MSI2: variants seen among roughly 807,000 people sequenced by gnomAD.
The protein encoded by MSI2 is RNA-binding protein Musashi homolog 2.
A neutral mutation model predicts 45.6 loss-of-function variants in MSI2; 17 were observed. The ratio of observed to expected loss-of-function variants is 0.37; its 90% confidence interval spans 0.26 to 0.56. The LOEUF (loss-of-function observed/expected upper bound fraction) is 0.56. MSI2 is among the 20% of genes least tolerant of loss of function. The pLI, the probability that MSI2 is intolerant of heterozygous loss-of-function variation, is 0.77. For synonymous variants in MSI2, 156 were observed against 158.2 expected (o/e 0.99, Z 0.11); for missense variants, 293 against 444.2 (o/e 0.66, Z 3.06).
Position 57,287,099 on chromosome 17 carries a change from A to G in MSI2, c.312+24907A>G, listed in dbSNP as rs372473806. ...TTTGCTCCATATTTATCATCTCTAT[A>G]GTACCCTACAAATAAGTGGTCTCAA... On this transcript the variant is annotated intron_variant, in intron 5 of 13. Transcript: ENST00000284073. 1.1e-4 allele frequency among the ~76,000 whole-genome samples: 17 copies of G among 151,176 alleles called. No homozygotes were observed. The East Asian group carries it at 2.5e-3, about 23-fold the overall frequency.
chr17:57,376,044 C>T (rs1040329745), intron 5 of MSI2, among the ~76,000 whole-genome samples: 2 of 152,254 alleles, frequency 1.3e-5, no homozygotes, highest in East Asian at 1.9e-4. Flanking sequence ...TTTAGGTGAT[C>T]GGCTATTGAC....
chr17:57,655,649 G>T (rs760734868), intron 11 of MSI2, among the ~76,000 whole-genome samples: 1 of 152,064 alleles, frequency 6.6e-6, no homozygotes, highest in East Asian at 1.9e-4. Flanking sequence ...TTGGGGCTGC[G>T]GTGAGAGTGT....
At chr17:57,639,255 A>G (rs1158944737) in intron 10 of MSI2, among the ~76,000 whole-genome samples, 1 of 152,234 alleles carries the variant, frequency 6.6e-6, no homozygotes, top group Non-Finnish European at 1.5e-5. Flanking sequence ...GAGCACGCAC[A>G]GAAGTTCGCC....
At chr17:57,417,065 AC>A (rs1205067163) in intron 6 of MSI2, among the ~76,000 whole-genome samples, 3 of 152,024 alleles carry the variant, frequency 2.0e-5, no homozygotes, top group Admixed American at 6.6e-5. Context: ...CGAGGTGGGG[AC>A]GGTGGTTGCT....
rs374684092 is a variant in MSI2 at position 57,438,800 on chromosome 17, A to AT, written c.405+37343dup. Among the ~76,000 whole-genome samples, 766 of 145,028 alleles carry AT rather than the reference A, an allele frequency of 5.3e-3. 18 individuals are homozygous for AT. In the East Asian group the frequency reaches 0.086, roughly 16 times the overall value. ...TGAGGGTTGCAGGTCTCCCATAGGAATTTTTTTTTTTTTTGAGACTGCGTT... is the reference window on the plus strand; with the variant it reads ...TGAGGGTTGCAGGTCTCCCATAGGAATTTTTTTTTTTTTTTGAGACTGCGTT... On this transcript the variant is annotated intron_variant, in intron 6 of 13. Coordinates refer to ENST00000284073, the MANE Select transcript of MSI2 (RefSeq NM_138962.4).
intron 6 of MSI2, among the ~76,000 whole-genome samples, chr17:57,467,933 C>T (rs1348208890): frequency 1.4e-5 from 2 of 145,076 alleles, no homozygotes; most frequent in Non-Finnish European, 3.0e-5. Flanking sequence ...AGGTATCTGG[C>T]AGTCCCCTGC....
intron 5 of MSI2, among the ~76,000 whole-genome samples, chr17:57,381,183 T>C (rs2083591684): frequency 6.6e-6 from 1 of 152,186 alleles, no homozygotes; most frequent in Non-Finnish European, 1.5e-5. Flanking sequence ...TCCTCCCACC[T>C]CAGCCTCCCT....
chr17:57,479,548 A>G (rs1432321520), intron 6 of MSI2, among the ~76,000 whole-genome samples: 1 of 152,198 alleles, frequency 6.6e-6, no homozygotes, highest in Non-Finnish European at 1.5e-5. Flanking sequence ...ATATTTAATT[A>G]TGGGAAATTC....
chr17:57,553,723 C>G (rs2087361405), intron 7 of MSI2, among the ~76,000 whole-genome samples: 2 of 152,180 alleles, frequency 1.3e-5, no homozygotes, highest in African/African-American at 4.8e-5. Flanking sequence ...ATCCCTCCTC[C>G]TGGCCAAGAG....
At chr17:57,610,138 A>G (rs1907090834) in intron 8 of MSI2, among the ~76,000 whole-genome samples, 2 of 152,174 alleles carry the variant, frequency 1.3e-5, no homozygotes, top group South Asian at 4.2e-4. Context: ...TGAAACGCAT[A>G]CCAACTTACT....
Position 57,681,444 on chromosome 17 carries a change from C to G in MSI2, c.*1927C>G. The G allele has an allele frequency of 5.6e-6, 1 of 179,506 alleles. No homozygotes were observed. The highest frequency in any genetic ancestry group is 1.2e-5 in the Non-Finnish European group (1 of 83,896). 11.1% of individuals were successfully genotyped at this position (179,506 alleles called of 1,614,324 possible). On this transcript the variant is annotated 3_prime_UTR_variant, in exon 14 of 14. Coordinates refer to ENST00000284073, the MANE Select transcript of MSI2 (RefSeq NM_138962.4). The stretch of plus-strand genomic sequence containing the variant: ...CACAGCCAGTATGAGACACTGAATG[C>G]GACATTTATTATAAAGAGCTGCTGC...
At chr17:57,502,546 A>G (rs1444541888) in intron 6 of MSI2, among the ~76,000 whole-genome samples, 1 of 142,108 alleles carries the variant, frequency 7.0e-6, no homozygotes, top group Non-Finnish European at 1.5e-5. Context: ...ATTAGCTGCT[A>G]TTATTATTGT....
rs1191645601 is a variant in MSI2 at position 57,256,721 on chromosome 17, G to A, written c.-22G>A. ...CTGTGGGGCTTGGTTTTTTGGGGGT[G>A]GGGGGGCGGGGGGGCTCAGATATGG... On this transcript the variant is annotated 5_prime_UTR_variant, in exon 1 of 14. Transcript: ENST00000284073. The A allele has an allele frequency of 4.9e-6, 3 of 610,202 alleles. No individual in the cohort carries two copies. Among genetic ancestry groups the A allele is most frequent in the South Asian group, 2.0e-5 (1 of 49,444 alleles). 37.8% of individuals were successfully genotyped at this position (610,202 alleles called of 1,614,324 possible).
At chr17:57,492,880 A>G (rs925122411) in intron 6 of MSI2, among the ~76,000 whole-genome samples, 10 of 152,198 alleles carry the variant, frequency 6.6e-5, no homozygotes. Flanking sequence ...TACAGGCGTG[A>G]GCCACCATGT....
chr17:57,497,968 C>T (rs1471867423), intron 6 of MSI2, among the ~76,000 whole-genome samples: 1 of 152,150 alleles, frequency 6.6e-6, no homozygotes, highest in Admixed American at 6.5e-5. Context: ...GGAGCCATGA[C>T]CTCAAATTAA....
chr17:57,270,248 A>G (rs1424327413), intron 5 of MSI2, among the ~76,000 whole-genome samples: 1 of 152,184 alleles, frequency 6.6e-6, no homozygotes, highest in Non-Finnish European at 1.5e-5. Context: ...TCCTTACAAC[A>G]ATCCTTTGAA....
Position 57,633,034 on chromosome 17 carries a change from T to C in MSI2, c.727+5731T>C, listed in dbSNP as rs1429908653. 4 of 1,043,314 alleles carry C rather than the reference T, an allele frequency of 3.8e-6. No homozygotes were observed. In the African/African-American group the frequency reaches 5.0e-5, roughly 13 times the overall value. 64.6% of individuals were successfully genotyped at this position (1,043,314 alleles called of 1,614,324 possible). ...TATGAATTGCTTTGCTTTGGTGAAC[T>C]TGTCCTAGTATGCTTGCCTCACAAA... is the stretch of plus-strand genomic sequence containing the variant. On this transcript the variant is annotated intron_variant, in intron 10 of 13. Transcript: ENST00000284073.
At chr17:57,406,278 C>T (rs934623755) in intron 6 of MSI2, among the ~76,000 whole-genome samples, 2 of 152,114 alleles carry the variant, frequency 1.3e-5, no homozygotes, top group African/African-American at 2.4e-5. Flanking sequence ...ACTGTTCTCC[C>T]GGCAGAGCCA....
At chr17:57,648,317 T>C (rs1910861669) in intron 10 of MSI2, among the ~76,000 whole-genome samples, 1 of 152,204 alleles carries the variant, frequency 6.6e-6, no homozygotes, top group African/African-American at 2.4e-5. Flanking sequence ...CTCTCACTAA[T>C]TAAGCTAACT....
Sources: gnomAD v4.1 joint callset for allele counts (sites outside exome capture counted in the v4.1 genomes callset) on GRCh38, gnomAD v4.1.1 for gene constraint, MANE v1.5 for transcripts, NCBI Gene and HGNC (gene_info 2026-07-23, HGNC 2026-07-21) for gene names.